Variants in ANKRD17 observed in about 807,000 individuals in gnomAD.
ANKRD17 encodes ankyrin repeat domain 17.
ANKRD17 carries 19 observed loss-of-function variants against 229.7 expected under a neutral mutation model. That is an observed-to-expected ratio of 0.08 (90% CI 0.06 to 0.12). ANKRD17 has a LOEUF of 0.12. Among genes scored for constraint, ANKRD17 ranks in the 10% least tolerant of loss-of-function variants. The pLI is 1.00. For synonymous variants in ANKRD17, 1,112 were observed against 1,146.1 expected, an observed-to-expected ratio of 0.97 and a Z score of 0.60; for missense variants, 2,176 against 3,176.8, an observed-to-expected ratio of 0.68 and a Z score of 7.57.
intron 1 of ANKRD17, among the ~76,000 whole-genome samples, chr4:73,177,992 T>C (rs1734966263): frequency 6.6e-6 from 1 of 152,132 alleles, no homozygotes; most frequent in African/African-American, 2.4e-5. Context: ...AAGTAACAAA[T>C]ATCACTATCA....
chr4:73,238,668 G>A (rs553285605), intron 1 of ANKRD17, among the ~76,000 whole-genome samples: 11 of 152,060 alleles, frequency 7.2e-5, no homozygotes, highest in South Asian at 2.1e-4. Flanking sequence ...TGAGTAAGAC[G>A]GTATTCATAC....
chr4:73,215,965 C>CTGA, intron 1 of ANKRD17, among the ~76,000 whole-genome samples: 1 of 152,288 alleles, frequency 6.6e-6, no homozygotes, highest in South Asian at 2.1e-4. Flanking sequence ...ACTCAGGAGG[C>CTGA]TGAGGCAGAA....
intron 1 of ANKRD17, among the ~76,000 whole-genome samples, chr4:73,202,714 T>C (rs1738842585): frequency 6.6e-6 from 1 of 152,174 alleles, no homozygotes; most frequent in Non-Finnish European, 1.5e-5. Context: ...CAAATATAAA[T>C]ACTCTTTAAA....
chr4:73,153,496 C>G (rs1198703377), intron 6 of ANKRD17, among the ~76,000 whole-genome samples: 2 of 152,042 alleles, frequency 1.3e-5, no homozygotes, highest in Non-Finnish European at 2.9e-5. Context: ...AGGCAATTGT[C>G]CGGTCTGCCA....
intron 3 of ANKRD17, 97 bp downstream of exon 3, chr4:73,161,095 C>T: frequency 1.4e-6 from 2 of 1,448,188 alleles, no homozygotes; most frequent in South Asian, 2.7e-5. Context: ...TAGCACAGTG[C>T]CAGCCAGGCA....
chr4:73,164,965 ATAT>A (rs1035808994), intron 2 of ANKRD17, among the ~76,000 whole-genome samples: 7 of 151,322 alleles, frequency 4.6e-5, no homozygotes, highest in Admixed American at 2.6e-4. Context: ...AACTTATTAA[ATAT>A]TATCTGATTT....
chr4:73,151,466 T>C lies in ANKRD17; in HGVS notation c.1293A>G (p.Thr431=). ...CCATCAGAGCAGTGTGCATTTCATCTGTTTTATGCTCTTGATCCGCGCCTG... is the reference window on the plus strand; with the variant it reads ...CCATCAGAGCAGTGTGCATTTCATCCGTTTTATGCTCTTGATCCGCGCCTG... ...LEAGADQEHK[T]DEMHTALMEA... The change falls in exon 7 of 34, where the codon ACA becomes ACG. Residue 431 remains threonine, a synonymous_variant. Transcript: ENST00000358602. 1.2e-6 allele frequency: 2 copies of C among 1,611,748 alleles called. No homozygotes were observed. Among genetic ancestry groups the C allele is most frequent in the Non-Finnish European group, 1.7e-6 (2 of 1,178,974 alleles).
intron 1 of ANKRD17, among the ~76,000 whole-genome samples, chr4:73,192,350 A>G (rs1340829839): frequency 6.6e-6 from 1 of 152,066 alleles, no homozygotes; most frequent in Non-Finnish European, 1.5e-5. Flanking sequence ...CTGAAGCAAA[A>G]AAAACAAAAA....
chr4:73,204,330 C>T (rs1739138713), intron 1 of ANKRD17, among the ~76,000 whole-genome samples: 2 of 128,122 alleles, frequency 1.6e-5, no homozygotes, highest in Non-Finnish European at 3.1e-5. Flanking sequence ...CATTGCAGTC[C>T]AGCCTGGGCG....
At chr4:73,192,199 A>G (rs1025875849) in intron 1 of ANKRD17, among the ~76,000 whole-genome samples, 1 of 152,122 alleles carries the variant, frequency 6.6e-6, no homozygotes, top group Non-Finnish European at 1.5e-5. Context: ...CACTTGGACA[A>G]AGAACCTATT....
chr4:73,226,504 C>T (rs562926665), intron 1 of ANKRD17, among the ~76,000 whole-genome samples: 2 of 149,644 alleles, frequency 1.3e-5, no homozygotes, highest in South Asian at 4.2e-4. Flanking sequence ...AGCAATTCTC[C>T]TGCCTCAGCC....
chr4:73,182,050 C>CAA (rs1735635556), intron 1 of ANKRD17, among the ~76,000 whole-genome samples: 1 of 37,714 alleles, frequency 2.7e-5, no homozygotes, highest in Non-Finnish European at 5.3e-5. Flanking sequence ...TCCGTCCCCA[C>CAA]CAAAAAAAAA....
intron 2 of ANKRD17, among the ~76,000 whole-genome samples, chr4:73,170,718 A>G (rs1238530034): frequency 3.3e-5 from 5 of 152,146 alleles, no homozygotes; most frequent in African/African-American, 1.2e-4. Context: ...CTTTAACTGC[A>G]CATTGGCGGT....
At position 73,098,529 on chromosome 4, in the gene ANKRD17, G is replaced by A. The variant is rs964891962; in HGVS notation, c.4574-9C>T. The A allele has an allele frequency of 1.2e-6, 2 of 1,604,554 alleles. No individual in the cohort carries two copies. Among genetic ancestry groups the A allele is most frequent in the African/African-American group, 1.3e-5 (1 of 74,154 alleles). On this transcript the variant is annotated splice_polypyrimidine_tract_variant and intron_variant, in intron 25 of 33. Coordinates refer to ENST00000358602, the MANE Select transcript of ANKRD17 (RefSeq NM_032217.5). ...CAAGACTTCAGGCTCATCTGTAAAA[G>A]TAGCAATACTGAATTAGCAAGTTCT...
intron 1 of ANKRD17, among the ~76,000 whole-genome samples, chr4:73,211,249 G>C (rs1740213986): frequency 6.6e-6 from 1 of 152,054 alleles, no homozygotes; most frequent in South Asian, 2.1e-4. Flanking sequence ...AGAAGAGGTA[G>C]GATCTAGGTG....
chr4:73,107,703 T>C (rs560877104), intron 24 of ANKRD17, among the ~76,000 whole-genome samples: 18 of 152,286 alleles, frequency 1.2e-4, no homozygotes, highest in Admixed American at 2.6e-4. Flanking sequence ...CTGGACCCAG[T>C]ATATTCAAGT....
chr4:73,155,040 C>CA (rs528971172), intron 5 of ANKRD17, among the ~76,000 whole-genome samples: 823 of 59,112 alleles, frequency 0.014, 5 homozygotes, highest in East Asian at 0.038. Context: ...GACTCCGTCT[C>CA]AAAAAAAAAA....
At chr4:73,254,795 A>G (rs1745320332) in intron 1 of ANKRD17, among the ~76,000 whole-genome samples, 1 of 152,012 alleles carries the variant, frequency 6.6e-6, no homozygotes, top group East Asian at 1.9e-4. Flanking sequence ...AAGAAAAAAT[A>G]CTAAGATCAT....
chr4:73,232,074 T>C (rs1457290085), intron 1 of ANKRD17, among the ~76,000 whole-genome samples: 2 of 152,180 alleles, frequency 1.3e-5, no homozygotes, highest in Non-Finnish European at 2.9e-5. Context: ...TGTGAGCTGC[T>C]CAGTAAATTA....
Sources: allele counts gnomAD v4.1 joint callset (sites outside exome capture counted in the v4.1 genomes callset), GRCh38; gene constraint gnomAD v4.1.1; transcripts MANE v1.5; gene names NCBI Gene and HGNC (gene_info 2026-07-23, HGNC 2026-07-21).